The following TTLL7 variants were observed in gnomAD, a reference collection of about 807,000 sequenced individuals.
The protein encoded by TTLL7 is tubulin polyglutamylase TTLL7.
TTLL7 carries 53 observed loss-of-function variants against 120.2 expected under a neutral mutation model. The observed-to-expected ratio is 0.44, with a 90% confidence interval of 0.35 to 0.55. The LOEUF (loss-of-function observed/expected upper bound fraction) is 0.55. TTLL7 is among the 20% of genes least tolerant of loss of function. The probability of loss-of-function intolerance (pLI) is 0.00; values close to 1 mark genes in which losing one functional copy is unlikely to be tolerated. For synonymous variants in TTLL7, 353 were observed against 351.7 expected, an observed-to-expected ratio of 1.00 and a Z score of -0.04; for missense variants, 803 against 1,054.7, an observed-to-expected ratio of 0.76 and a Z score of 3.31.
chr1:83,881,894 A>C (rs1654520209), intron 20 of TTLL7, among the ~76,000 whole-genome samples: 1 of 150,508 alleles, frequency 6.6e-6, no homozygotes, highest in African/African-American at 2.4e-5. Context: ...TACACCATGG[A>C]ATACTATGCA....
chr1:83,938,138 C>G (rs1647595147), intron 7 of TTLL7, 122 bp from the exon 8 acceptor site: 1 of 790,896 alleles, frequency 1.3e-6, no homozygotes, highest in South Asian at 1.8e-5. Context: ...CATAGATGAA[C>G]AATCTCATGA....
chr1:83,975,699 T>G (rs1651403342), intron 1 of TTLL7, among the ~76,000 whole-genome samples: 2 of 152,120 alleles, frequency 1.3e-5, no homozygotes, highest in Admixed American at 1.3e-4. Context: ...TCCAACCATC[T>G]TGAAACCGTG....
At chr1:83,985,207 A>G (rs1652332976) in intron 1 of TTLL7, among the ~76,000 whole-genome samples, 1 of 152,176 alleles carries the variant, frequency 6.6e-6, no homozygotes, top group South Asian at 2.1e-4. Context: ...TATAGCCTTC[A>G]GTCTGTGGCC....
intron 8 of TTLL7, among the ~76,000 whole-genome samples, chr1:83,937,358 C>T (rs2389647): frequency 0.41 from 61,639 of 151,572 alleles, 14,691 homozygotes; most frequent in Non-Finnish European, 0.54. Context: ...CGCGCCACCA[C>T]ATCCGGCTAA....
At position 83,979,909 on chromosome 1, in the gene TTLL7, TAA is replaced by T; in HGVS notation, c.-177+19020_-177+19021del. On this transcript the variant is annotated intron_variant, in intron 1 of 20. Transcript: ENST00000260505. The stretch of plus-strand genomic sequence containing the variant: ...TTACTAATGAAAACAAAATCAACTC[TAA>T]AAAAGACTCGAAAGATTTTTTAAAA... 3 of 152,304 alleles carry T rather than the reference TAA, an allele frequency of 2.0e-5. No individual in the cohort carries two copies. In the South Asian group the frequency reaches 6.2e-4, roughly 32 times the overall value. The allele number at this position is 152,304 out of a possible 1,614,324, so 9.4% of individuals were successfully genotyped here. A position where few individuals can be genotyped will look rare whatever the true frequency, so the allele number is the denominator to read the frequency against.
intron 1 of TTLL7, among the ~76,000 whole-genome samples, chr1:83,991,827 G>T (rs1028056325): frequency 6.6e-6 from 1 of 152,012 alleles, no homozygotes; most frequent in Non-Finnish European, 1.5e-5. Context: ...TATAGATATT[G>T]CTGAGTGTAT....
At chr1:83,892,712 G>A (rs1235662846) in intron 18 of TTLL7, among the ~76,000 whole-genome samples, 2 of 30,632 alleles carry the variant, frequency 6.5e-5, no homozygotes, top group Non-Finnish European at 1.2e-4. Context: ...ATGAACATAT[G>A]AACATATATA....
chr1:83,962,985 A>G (rs1328279821), intron 1 of TTLL7, among the ~76,000 whole-genome samples: 1 of 152,162 alleles, frequency 6.6e-6, no homozygotes, highest in Non-Finnish European at 1.5e-5. Context: ...TTTGGTTTCT[A>G]AAAAACATAC....
At position 83,947,095 on chromosome 1, in the gene TTLL7, TTA is replaced by T. The variant is rs1211634398; in HGVS notation, c.506+27_506+28del. ...CCCACTCCCAAATTTTTTTTTATTT[TTA>T]TATATTCCAAATAAAAGCAAACCTA... On this transcript the variant is annotated intron_variant, in intron 6 of 20. Coordinates refer to ENST00000260505, the MANE Select transcript of TTLL7 (RefSeq NM_024686.6). 1.9e-6 allele frequency: 3 copies of T among 1,542,946 alleles called. No individual in the cohort carries two copies. In the South Asian group the frequency reaches 3.8e-5, roughly 20 times the overall value.
intron 6 of TTLL7, among the ~76,000 whole-genome samples, chr1:83,943,067 G>A (rs576662488): frequency 5.1e-4 from 77 of 152,182 alleles, no homozygotes; most frequent in Non-Finnish European, 9.6e-4. Context: ...GACCTGTCTG[G>A]TGGCTTCCTG....
At chr1:83,959,714 T>C (rs556981529) in intron 1 of TTLL7, among the ~76,000 whole-genome samples, 11 of 151,998 alleles carry the variant, frequency 7.2e-5, no homozygotes, top group African/African-American at 2.4e-4. Flanking sequence ...ACAACCTCTA[T>C]GGATAGTAAA....
chr1:83,970,054 A>T (rs945488475), intron 1 of TTLL7, among the ~76,000 whole-genome samples: 2 of 152,034 alleles, frequency 1.3e-5, no homozygotes, highest in Admixed American at 1.3e-4. Flanking sequence ...AGCAATGATG[A>T]AAAGAATCAA....
chr1:83,963,196 C>G (rs1571323705), intron 1 of TTLL7, among the ~76,000 whole-genome samples: 1 of 152,098 alleles, frequency 6.6e-6, no homozygotes, highest in African/African-American at 2.4e-5. Flanking sequence ...TAGAACTAAA[C>G]AATCATGGGA....
At chr1:83,905,484 T>A (rs1236984130) in intron 17 of TTLL7, among the ~76,000 whole-genome samples, 1 of 150,968 alleles carries the variant, frequency 6.6e-6, no homozygotes, top group Non-Finnish European at 1.5e-5. Context: ...GTAGTTTTTA[T>A]CCTATAACTG....
intron 10 of TTLL7, among the ~76,000 whole-genome samples, chr1:83,924,692 T>C (rs915098674): frequency 3.3e-5 from 5 of 152,198 alleles, no homozygotes; most frequent in Admixed American, 3.3e-4. Flanking sequence ...CACTGAATTA[T>C]ACACTTAAAA....
In TTLL7 at chr1:83,883,142, G is replaced by A; in HGVS notation, c.2370-6C>T. The A allele has an allele frequency of 6.3e-7, 1 of 1,576,162 alleles. No individual in the cohort carries two copies. The highest frequency in any genetic ancestry group is 8.6e-7 in the Non-Finnish European group (1 of 1,159,794). On this transcript the variant is annotated splice_polypyrimidine_tract_variant and splice_region_variant and intron_variant, in intron 19 of 20. Transcript: ENST00000260505. ...ATATACTCTCCCAAGAGGATCTGTTGGCATGGAAACAGACATGATCTCATG... is the reference window on the plus strand; with the variant it reads ...ATATACTCTCCCAAGAGGATCTGTTAGCATGGAAACAGACATGATCTCATG...
intron 18 of TTLL7, among the ~76,000 whole-genome samples, chr1:83,898,871 C>T (rs1025612834): frequency 2.0e-5 from 3 of 151,722 alleles, no homozygotes; most frequent in Admixed American, 1.3e-4. Context: ...AATTCTAATG[C>T]TACTTACTAA....
chr1:83,884,124 A>C (rs1654756560), intron 19 of TTLL7, among the ~76,000 whole-genome samples: 1 of 151,638 alleles, frequency 6.6e-6, no homozygotes, highest in African/African-American at 2.4e-5. Context: ...CTACTCCACC[A>C]GTAGGGAGGG....
chr1:83,939,482 C>T lies in TTLL7; in HGVS notation c.724-1466G>A, dbSNP rs141009282. Among the ~76,000 whole-genome samples the T allele has an allele frequency of 5.0e-3, 755 of 152,278 alleles. 4 individuals carry two copies. The highest frequency in any genetic ancestry group is 4.4e-3 in the Non-Finnish European group (299 of 68,002). Reference sequence around the variant, plus strand: ...AAATGGATTGGAAATTCCACAACTTCACATTTACCTTGACAAAAATAGACA... The same window carrying T: ...AAATGGATTGGAAATTCCACAACTTTACATTTACCTTGACAAAAATAGACA... On this transcript the variant is annotated intron_variant, in intron 7 of 20. Transcript: ENST00000260505.
Sources: allele counts gnomAD v4.1 joint callset (sites outside exome capture counted in the v4.1 genomes callset), GRCh38; gene constraint gnomAD v4.1.1; transcripts MANE v1.5; gene names NCBI Gene and HGNC (gene_info 2026-07-23, HGNC 2026-07-21).